The following CCDC88C variants were observed in gnomAD, a reference collection of about 807,000 sequenced individuals.
The protein encoded by CCDC88C is coiled-coil and HOOK domain protein 88C.
A neutral mutation model predicts 198.8 loss-of-function variants in CCDC88C; 131 were observed. The observed-to-expected ratio is 0.66, with a 90% CI of 0.57 to 0.76. The LOEUF (loss-of-function observed/expected upper bound fraction) is 0.76, where lower values mean the gene tolerates loss of function less well. Among genes scored for constraint, CCDC88C ranks in the 30% least tolerant of loss-of-function variants. The pLI is 0.00. For missense variants in CCDC88C, 2,553 were observed against 2,631.6 expected, an observed-to-expected ratio of 0.97 and a Z score of 0.65; for synonymous variants, 1,166 against 1,114.7, an observed-to-expected ratio of 1.05 and a Z score of -0.92.
In CCDC88C at chr14:91,352,446, G is replaced by A. The variant is rs1893857267; in HGVS notation, c.340+7196C>T. Among the ~76,000 whole-genome samples the A allele has an allele frequency of 6.6e-6, 1 of 152,198 alleles. No homozygotes were observed. Among genetic ancestry groups the A allele is most frequent in the African/African-American group, 2.4e-5 (1 of 41,446 alleles). ...GAGCCCTCATTTCCGGATCCAACAA[G>A]CAGCACAGAAGCAAAGAAGCAGGAT... On this transcript the variant is annotated intron_variant, in intron 4 of 29. Transcript: ENST00000389857. This position sits in a 1 kb window ranked among gnomAD's most constrained non-coding sequence, Gnocchi z 4.2.
At chr14:91,293,478 C>G (rs1312974090) in intron 23 of CCDC88C, among the ~76,000 whole-genome samples, 3 of 126,432 alleles carry the variant, frequency 2.4e-5, no homozygotes, top group Non-Finnish European at 3.4e-5. Context: ...TCACCTGCCA[C>G]AGCTCACCTT....
chr14:91,383,736 G>A (rs868630233), intron 3 of CCDC88C, among the ~76,000 whole-genome samples: 10 of 152,184 alleles, frequency 6.6e-5, no homozygotes, highest in Non-Finnish European at 1.0e-4. Context: ...AAGGACTCCC[G>A]CAGGTCACAA....
At chr14:91,310,662 G>C (rs1891778196) in intron 15 of CCDC88C, among the ~76,000 whole-genome samples, 1 of 152,094 alleles carries the variant, frequency 6.6e-6, no homozygotes, top group South Asian at 2.1e-4. Context: ...TTTCTACCTT[G>C]GTCTTCCAAA....
chr14:91,273,656 A>T lies in CCDC88C; in HGVS notation c.5059-3T>A. On this transcript the variant is annotated splice_region_variant and splice_polypyrimidine_tract_variant and intron_variant, in intron 29 of 29. Transcript: ENST00000389857. The surrounding 1 kb of genome is among the most constrained non-coding windows in gnomAD (Gnocchi z 5.6). ...TCATCCCGGCAACTGGGAGTGTCCT[A>T]CGGAGAAGAGAGTGAAGGTTGGAGG... 6 of 1,462,464 alleles carry T rather than the reference A, an allele frequency of 4.1e-6. No individual in the cohort carries two copies. Among genetic ancestry groups the T allele is most frequent in the Non-Finnish European group, 5.4e-6 (6 of 1,105,404 alleles). The allele number at this position is 1,462,464 out of a possible 1,614,324, so 90.6% of individuals were successfully genotyped here.
At chr14:91,340,083 C>T (rs1342913469) in intron 6 of CCDC88C, 59 bp from the exon 7 acceptor site, 3 of 1,582,168 alleles carry the variant, frequency 1.9e-6, no homozygotes, top group African/African-American at 1.3e-5. Flanking sequence ...CCACTTCCCT[C>T]ACACTGCAAA....
At chr14:91,279,472 C>G (rs757001286) in intron 27 of CCDC88C, 166 bp from the exon 28 acceptor site, 47 of 579,744 alleles carry the variant, frequency 8.1e-5, no homozygotes, top group South Asian at 2.2e-5. Flanking sequence ...AGTGAGGAAG[C>G]CTCACTTCAC....
At chr14:91,379,368 T>A (rs1247090211) in intron 3 of CCDC88C, 1 of 154,994 alleles carries the variant, frequency 6.5e-6, no homozygotes, top group African/African-American at 2.4e-5. Context: ...GAGGATGAGG[T>A]TGCAGTCAGA....
chr14:91,313,529 T>C lies in CCDC88C; in HGVS notation c.2287A>G (p.Ser763Gly). 1.2e-6 allele frequency: 2 copies of C among 1,609,884 alleles called. No individual in the cohort carries two copies. Among genetic ancestry groups the C allele is most frequent in the Non-Finnish European group, 1.7e-6 (2 of 1,179,868 alleles). The change falls in exon 15 of 30, where the codon AGC (serine) becomes GGC (glycine). Residue 763 changes from serine to glycine, a missense_variant. Around this residue, in one of 2 missense-constraint regions of CCDC88C, gnomAD observed 1,260 missense variants for 1,412.0 expected, o/e 0.89. Transcript: ENST00000389857. The surrounding 1 kb of genome is among the most constrained non-coding windows in gnomAD (Gnocchi z 5.2). ...KSERLELSYQ[S>G]VSAENLRLQQ... Reference sequence around the variant, plus strand: ...AGCCGGAGGTTCTCAGCGCTCACGCTCTGGTAGCTGAGCTCCAGGCGCTCT... The same window carrying C: ...AGCCGGAGGTTCTCAGCGCTCACGCCCTGGTAGCTGAGCTCCAGGCGCTCT...
chr14:91,388,451 C>A (rs959356945), intron 3 of CCDC88C, among the ~76,000 whole-genome samples: 14 of 152,156 alleles, frequency 9.2e-5, no homozygotes, highest in Non-Finnish European at 1.6e-4. Flanking sequence ...CAGGCAGGTA[C>A]CAGGTAGCGC....
At chr14:91,281,904 C>T (rs947994648) in intron 26 of CCDC88C, among the ~76,000 whole-genome samples, 4 of 152,160 alleles carry the variant, frequency 2.6e-5, no homozygotes, top group Non-Finnish European at 5.9e-5. Flanking sequence ...AAGCTGTCTT[C>T]AGGTGGTAGG....
intron 23 of CCDC88C, among the ~76,000 whole-genome samples, chr14:91,292,996 C>T (rs979938228): frequency 6.6e-5 from 10 of 151,618 alleles, no homozygotes; most frequent in South Asian, 2.1e-4. Flanking sequence ...GCACATTCCC[C>T]GCACTTAGAC....
Position 91,417,644 on chromosome 14 carries a change from G to A in CCDC88C, c.47C>T (p.Pro16Leu). Residue 16 changes from proline (P) to leucine (L), a missense_variant, in exon 1 of 30, where the codon CCG becomes CTG. Around this residue, in one of 2 missense-constraint regions of CCDC88C, gnomAD observed 1,260 missense variants for 1,412.0 expected, o/e 0.89. Coordinates refer to ENST00000389857, the MANE Select transcript of CCDC88C (RefSeq NM_001080414.4). ...SELLELFLQS[P>L]LVTWVKTFGP... is the part of the protein sequence containing the mutation. ...AGGCGCACTCACCCAGGTCACCAGC[G>A]GGCTCTGCAGGAAGAGCTCCAGGAG... 1.3e-6 allele frequency: 2 copies of A among 1,590,978 alleles called. No individual in the cohort carries two copies. Among genetic ancestry groups the A allele is most frequent in the Non-Finnish European group, 8.5e-7 (1 of 1,171,244 alleles).
At chr14:91,308,912 C>T (rs1891676532) in intron 16 of CCDC88C, among the ~76,000 whole-genome samples, 1 of 152,186 alleles carries the variant, frequency 6.6e-6, no homozygotes, top group Non-Finnish European at 1.5e-5. Flanking sequence ...CAGGAAAAGT[C>T]CAAGATGTTC....
chr14:91,401,455 C>T (rs1886201077), intron 3 of CCDC88C, among the ~76,000 whole-genome samples: 1 of 151,166 alleles, frequency 6.6e-6, no homozygotes, highest in African/African-American at 2.4e-5. Context: ...CTGCCTCAAC[C>T]TCCTGAGTAG....
At chr14:91,333,150 T>G (rs1332031635) in intron 10 of CCDC88C, among the ~76,000 whole-genome samples, 1 of 152,264 alleles carries the variant, frequency 6.6e-6, no homozygotes, top group African/African-American at 2.4e-5. Context: ...TGCATCTCTT[T>G]TGGCTGTACT....
Position 91,303,909 on chromosome 14 carries a change from G to A in CCDC88C, c.3427C>T (p.His1143Tyr). ...TCGTTCTCCGTCTCCTTGGCCGTGTGGTGGTTCTGCAGCAGCGTGTACTGC... is the reference window on the plus strand; with the variant it reads ...TCGTTCTCCGTCTCCTTGGCCGTGTAGTGGTTCTGCAGCAGCGTGTACTGC... ...TAQYTLLQNH[H>Y]TAKETENESL... The change falls in exon 20 of 30, where the codon CAC becomes TAC. Residue 1143 changes from histidine to tyrosine, a missense_variant. Transcript: ENST00000389857. 2 of 1,612,578 alleles carry A rather than the reference G, an allele frequency of 1.2e-6. No homozygotes were observed. The highest frequency in any genetic ancestry group is 1.7e-6 in the Non-Finnish European group (2 of 1,179,892).
At chr14:91,319,090 A>G (rs867450557) in intron 13 of CCDC88C, among the ~76,000 whole-genome samples, 18 of 152,284 alleles carry the variant, frequency 1.2e-4, no homozygotes, top group African/African-American at 4.1e-4. Context: ...CATGGCAGTC[A>G]GCCCGCAAGA....
At position 91,412,892 on chromosome 14, in the gene CCDC88C, C is replaced by A. The variant is rs1009110884; in HGVS notation, c.161+3846G>T. 2.6e-5 allele frequency among the ~76,000 whole-genome samples: 4 copies of A among 152,128 alleles called. No individual in the cohort carries two copies. The East Asian group carries it at 7.7e-4, about 29-fold the overall frequency. On this transcript the variant is annotated intron_variant, in intron 2 of 29. Coordinates refer to ENST00000389857, the MANE Select transcript of CCDC88C (RefSeq NM_001080414.4). ...CAACAAGTAAAATTTCCCCTTTTAT[C>A]CTAAGCTTCTACATCTGCAAAAGGG...
intron 27 of CCDC88C, among the ~76,000 whole-genome samples, chr14:91,280,245 G>C (rs1890145047): frequency 1.3e-5 from 2 of 152,318 alleles, no homozygotes; most frequent in South Asian, 4.1e-4. Flanking sequence ...CTGCAGAAGA[G>C]ACACCTGGGG....
Sources: allele counts gnomAD v4.1 joint callset (sites outside exome capture counted in the v4.1 genomes callset), GRCh38; gene constraint gnomAD v4.1.1; regional missense constraint gnomAD v4.1.1; non-coding constraint Gnocchi (gnomAD v3.1); transcripts MANE v1.5; gene names NCBI Gene and HGNC (gene_info 2026-07-23, HGNC 2026-07-21).